The following GAS2 variants were observed in gnomAD, a reference collection of about 807,000 sequenced individuals.
GAS2 encodes growth arrest-specific protein 2.
In GAS2, 20 loss-of-function variants were observed where a neutral mutation model predicts 37.5. That is an observed-to-expected ratio of 0.53 (90% CI 0.37 to 0.77). The LOEUF (loss-of-function observed/expected upper bound fraction) is 0.77, where lower values mean the gene tolerates loss of function less well. Ranked by LOEUF, GAS2 falls within the 30% of genes least tolerant of loss-of-function variation. The pLI is 0.00. For synonymous variants in GAS2, 144 were observed against 132.2 expected, an observed-to-expected ratio of 1.09 and a Z score of -0.61; for missense variants, 336 against 373.4, an observed-to-expected ratio of 0.90 and a Z score of 0.82.
intron 1 of GAS2, among the ~76,000 whole-genome samples, chr11:22,660,711 G>A (rs1848905928): frequency 2.0e-5 from 3 of 152,212 alleles, no homozygotes; most frequent in South Asian, 4.1e-4. Context: ...CAGCCTCTGT[G>A]GGGATGATGG....
chr11:22,796,040 C>T (rs7105185), intron 7 of GAS2, among the ~76,000 whole-genome samples: 29,518 of 151,982 alleles, frequency 0.19, 3,577 homozygotes, highest in African/African-American at 0.33. Flanking sequence ...ATGAAATTTT[C>T]GCTGTATTTG....
At chr11:22,633,306 G>C (rs1372616743) in intron 1 of GAS2, among the ~76,000 whole-genome samples, 1 of 152,050 alleles carries the variant, frequency 6.6e-6, no homozygotes, top group Non-Finnish European at 1.5e-5. Context: ...TCAGCTCTTG[G>C]TGTTTTCAGT....
chr11:22,766,267 A>G (rs1213686741), intron 7 of GAS2, among the ~76,000 whole-genome samples: 2 of 150,418 alleles, frequency 1.3e-5, no homozygotes, highest in African/African-American at 4.9e-5. Context: ...AACCCTCACA[A>G]CTCTTTGAGG....
At chr11:22,684,689 C>T (rs560833962) in intron 2 of GAS2, among the ~76,000 whole-genome samples, 116 of 152,256 alleles carry the variant, frequency 7.6e-4, no homozygotes, top group Admixed American at 9.1e-4. Flanking sequence ...CTCAGCCTCC[C>T]GAGTAGCTGG....
chr11:22,801,106 G>T (rs1856642098), intron 7 of GAS2, among the ~76,000 whole-genome samples: 2 of 152,024 alleles, frequency 1.3e-5, no homozygotes, highest in South Asian at 2.1e-4. Flanking sequence ...AAAAGGAAAA[G>T]ACATTCTTCT....
rs1309131229 is a variant in GAS2 at position 22,630,052 on chromosome 11, T to C, written c.-21+4239T>C. ...GGGCTATCCAGTTTTCCTCACACCA[T>C]TTTTTTTTATTATACTGTAAGCTCT... On this transcript the variant is annotated intron_variant, in intron 1 of 5. Coordinates refer to the GAS2 transcript ENST00000528582. Among the ~76,000 whole-genome samples, 3 of 148,798 alleles carry C rather than the reference T, an allele frequency of 2.0e-5. No individual in the cohort carries two copies. The South Asian group carries it at 6.3e-4, about 31-fold the overall frequency.
chr11:22,789,303 T>C (rs12365678), intron 7 of GAS2, among the ~76,000 whole-genome samples: 1,964 of 111,002 alleles, frequency 0.018, 32 homozygotes, highest in Admixed American at 0.05. Context: ...TATATATATA[T>C]ACACACACAC....
At chr11:22,733,428 ATGT>A (rs1852585290) in intron 4 of GAS2, among the ~76,000 whole-genome samples, 1 of 151,798 alleles carries the variant, frequency 6.6e-6, no homozygotes, top group Non-Finnish European at 1.5e-5. Context: ...ATTACCATTA[ATGT>A]TGTAACCTCT....
intron 3 of GAS2, among the ~76,000 whole-genome samples, chr11:22,696,820 T>A (rs1850544699): frequency 1.3e-5 from 2 of 151,568 alleles, no homozygotes; most frequent in Non-Finnish European, 2.9e-5. Context: ...TTTGTTTGAG[T>A]TCATTGTAGA....
At chr11:22,690,520 A>G (rs1850191955) in intron 3 of GAS2, among the ~76,000 whole-genome samples, 2 of 152,180 alleles carry the variant, frequency 1.3e-5, no homozygotes, top group Non-Finnish European at 2.9e-5. Context: ...GGGTGGAAGC[A>G]TTTGAGACCA....
chr11:22,774,294 T>A (rs1397498363), intron 7 of GAS2, among the ~76,000 whole-genome samples: 1 of 152,116 alleles, frequency 6.6e-6, no homozygotes, highest in Non-Finnish European at 1.5e-5. Context: ...GCGCCTGGCC[T>A]TTTGTGCAAT....
At chr11:22,650,555 G>A (rs1271267137) in intron 1 of GAS2, among the ~76,000 whole-genome samples, 1 of 148,082 alleles carries the variant, frequency 6.8e-6, no homozygotes, top group Non-Finnish European at 1.5e-5. Flanking sequence ...GGGAGTCTAA[G>A]TCTCTTTGTA....
chr11:22,669,604 T>C (rs184202191), intron 1 of GAS2, among the ~76,000 whole-genome samples: 2 of 152,268 alleles, frequency 1.3e-5, no homozygotes, highest in African/African-American at 4.8e-5. Flanking sequence ...TAGGATACTT[T>C]TAATAATTAT....
chr11:22,684,261 G>T (rs1272366335), intron 2 of GAS2, among the ~76,000 whole-genome samples: 1 of 152,168 alleles, frequency 6.6e-6, no homozygotes, highest in East Asian at 1.9e-4. Flanking sequence ...TCCAGGTAAA[G>T]GAGAAAATTA....
chr11:22,708,322 T>C (rs1473408539), intron 3 of GAS2, among the ~76,000 whole-genome samples: 1 of 152,196 alleles, frequency 6.6e-6, no homozygotes, highest in African/African-American at 2.4e-5. Flanking sequence ...CAAATTTTCA[T>C]TGGCACCCCG....
At chr11:22,801,325 G>A (rs2403752) in intron 7 of GAS2, among the ~76,000 whole-genome samples, 46,959 of 151,754 alleles carry the variant, frequency 0.31, 8,847 homozygotes, top group Non-Finnish European at 0.41. Flanking sequence ...TACAACTTAC[G>A]AAATTTTCAT....
intron 5 of GAS2, among the ~76,000 whole-genome samples, chr11:22,745,118 CA>C (rs142582542): frequency 2.1e-4 from 27 of 129,004 alleles, no homozygotes; most frequent in African/African-American, 5.5e-4. Context: ...CATTTGGAAC[CA>C]AAAAAAAAAA....
rs754436985 is a variant in GAS2 at position 22,811,838 on chromosome 11, G to A, written c.764G>A (p.Gly255Asp). Reference sequence around the variant, plus strand: ...CATGTCATGGTCCGTGTGGGAGGAGGCTGGGAAACTTTTGCAGGGTATTTG... The same window carrying A: ...CATGTCATGGTCCGTGTGGGAGGAGACTGGGAAACTTTTGCAGGGTATTTG... The part of the protein sequence containing the change: ...NKHVMVRVGG[G>D]WETFAGYLLK... Residue 255 changes from glycine to aspartate, a missense_variant, in exon 8 of 8, where the codon GGC (glycine) becomes GAC (aspartate). By Grantham distance (94) the Gly-to-Asp change is moderately conservative. Coordinates refer to ENST00000454584, the MANE Select transcript of GAS2 (RefSeq NM_001143830.3). 1 of 1,614,156 alleles carries A rather than the reference G, an allele frequency of 6.2e-7. No homozygotes were observed. Among genetic ancestry groups the A allele is most frequent in the South Asian group, 1.1e-5 (1 of 91,088 alleles).
intron 3 of GAS2, among the ~76,000 whole-genome samples, chr11:22,722,124 A>G (rs1851980845): frequency 6.6e-6 from 1 of 151,926 alleles, no homozygotes; most frequent in South Asian, 2.1e-4. Context: ...AGCCCTACCT[A>G]GAAACTAATC....
Sources: allele counts gnomAD v4.1 joint callset (sites outside exome capture counted in the v4.1 genomes callset), GRCh38; gene constraint gnomAD v4.1.1; transcripts MANE v1.5; gene names NCBI Gene and HGNC (gene_info 2026-07-23, HGNC 2026-07-21).